MYO3B: variants seen among roughly 807,000 people sequenced by gnomAD.
MYO3B encodes the protein myosin-IIIb.
Under a neutral mutation model 174.6 loss-of-function variants are expected in MYO3B, and 156 were observed. The ratio of observed to expected loss-of-function variants is 0.89; its 90% CI spans 0.78 to 1.02. The LOEUF (loss-of-function observed/expected upper bound fraction) is 1.02, where lower values mean the gene tolerates loss of function less well. MYO3B is among the 50% of genes least tolerant of loss of function. The probability of loss-of-function intolerance (pLI) is 0.00; values close to 1 mark genes in which losing one functional copy is unlikely to be tolerated. For synonymous variants in MYO3B, 563 were observed against 569.1 expected, an observed-to-expected ratio of 0.99 and a Z score of 0.15; for missense variants, 1,632 against 1,639.4, an observed-to-expected ratio of 1.00 and a Z score of 0.08.
chr2:170,323,287 C>G (rs1382110959), intron 7 of MYO3B, among the ~76,000 whole-genome samples: 1 of 152,226 alleles, frequency 6.6e-6, no homozygotes, highest in Non-Finnish European at 1.5e-5. Flanking sequence ...AGCTCATACT[C>G]TATCGCTGAT....
chr2:170,557,059 C>T (rs948481721), intron 32 of MYO3B, among the ~76,000 whole-genome samples: 11 of 151,578 alleles, frequency 7.3e-5, no homozygotes, highest in Admixed American at 5.9e-4. Flanking sequence ...TACAGTCCTA[C>T]GTTAGATACG....
At chr2:170,589,740 A>G (rs1246853025) in intron 32 of MYO3B, among the ~76,000 whole-genome samples, 1 of 152,220 alleles carries the variant, frequency 6.6e-6, no homozygotes, top group African/African-American at 2.4e-5. Context: ...TTTATTATTG[A>G]AGAAAGAAAC....
At chr2:170,201,734 G>C (rs2092664459) in intron 3 of MYO3B, among the ~76,000 whole-genome samples, 1 of 147,312 alleles carries the variant, frequency 6.8e-6, no homozygotes, top group Non-Finnish European at 1.5e-5. Context: ...AGAATATTAG[G>C]ATTTTATCTT....
chr2:170,529,224 A>G (rs76307912), intron 30 of MYO3B, among the ~76,000 whole-genome samples: 1,947 of 152,106 alleles, frequency 0.013, 41 homozygotes, highest in African/African-American at 0.044. Flanking sequence ...CGGGAGGAGG[A>G]GGAGGAGCAG....
At position 170,214,806 on chromosome 2, in the gene MYO3B, A is replaced by T; in HGVS notation, c.504A>T (p.Gly168=). The T allele has an allele frequency of 6.2e-7, 1 of 1,613,980 alleles. No individual in the cohort carries two copies. ...KGNNILLTTE[G]GVKLVDFGVS... ...ATAACATTCTTCTGACAACAGAAGG[A>T]GGAGTTAAGCTCGTTGACTTTGGTA... Residue 168 remains glycine (G), a synonymous_variant, in exon 5 of 35, where the codon GGA becomes GGT. Coordinates refer to ENST00000408978, the MANE Select transcript of MYO3B (RefSeq NM_138995.5).
intron 18 of MYO3B, 73 bp from the exon 19 acceptor site, chr2:170,402,775 G>A: frequency 4.3e-6 from 6 of 1,405,894 alleles, no homozygotes; most frequent in East Asian, 2.3e-5. Flanking sequence ...TAAGCACTTG[G>A]GCACATATAT....
chr2:170,282,404 G>T lies in MYO3B; in HGVS notation c.749+46268G>T, dbSNP rs145082877. Among the ~76,000 whole-genome samples, 49 of 152,258 alleles carry T rather than the reference G, an allele frequency of 3.2e-4. No homozygotes were observed. In the East Asian group the frequency reaches 9.3e-3, roughly 29 times the overall value. On this transcript the variant is annotated intron_variant, in intron 7 of 34. Transcript: ENST00000408978. The stretch of plus-strand genomic sequence containing the variant: ...TTCTTAGCACCTTTGTCAAACATCA[G>T]TTGGCTGTAAATATGTAGGTTTACT...
At chr2:170,381,456 T>C (rs1316626511) in intron 9 of MYO3B, among the ~76,000 whole-genome samples, 1 of 152,152 alleles carries the variant, frequency 6.6e-6, no homozygotes, top group Non-Finnish European at 1.5e-5. Flanking sequence ...ACCCATCAAA[T>C]AGTGGTCACC....
intron 7 of MYO3B, among the ~76,000 whole-genome samples, chr2:170,292,542 G>C (rs2093602677): frequency 6.6e-6 from 1 of 151,910 alleles, no homozygotes; most frequent in Middle Eastern, 3.2e-3. Context: ...TGTCCAGCTT[G>C]TTTTGGTTTT....
intron 9 of MYO3B, among the ~76,000 whole-genome samples, chr2:170,373,193 G>C (rs1275954183): frequency 6.6e-6 from 1 of 152,204 alleles, no homozygotes; most frequent in Admixed American, 6.5e-5. Context: ...GATTGATTGA[G>C]GGAGATTAGG....
At chr2:170,391,965 G>A (rs1024512160) in intron 15 of MYO3B, among the ~76,000 whole-genome samples, 1 of 151,796 alleles carries the variant, frequency 6.6e-6, no homozygotes, top group South Asian at 2.1e-4. Context: ...GACCAGCCAG[G>A]GCAGCATAGT....
rs1387918055 is a variant in MYO3B, at chr2:170,401,357, T to A, written c.1919-124T>A. ...TTCTTGGGGTTAGGGATCTAGCCTG[T>A]TTATCTTTGAGTCAAAAGTACCCAA... On this transcript the variant is annotated intron_variant, in intron 17 of 34. Transcript: ENST00000408978. 7.2e-6 allele frequency: 6 copies of A among 833,572 alleles called. No individual in the cohort carries two copies. In the East Asian group the frequency reaches 1.6e-4, roughly 22 times the overall value. 51.6% of individuals were successfully genotyped at this position (833,572 alleles called of 1,614,324 possible).
At chr2:170,553,168 C>T (rs760298999) in intron 32 of MYO3B, among the ~76,000 whole-genome samples, 1 of 152,130 alleles carries the variant, frequency 6.6e-6, no homozygotes, top group Admixed American at 6.5e-5. Context: ...CACAGAGTCC[C>T]CACTGGAGTA....
chr2:170,600,777 A>G (rs1212937468), intron 32 of MYO3B, among the ~76,000 whole-genome samples: 6 of 152,190 alleles, frequency 3.9e-5, no homozygotes, highest in African/African-American at 1.4e-4. Flanking sequence ...CTGCCATTAC[A>G]TGGTAATGGG....
intron 7 of MYO3B, among the ~76,000 whole-genome samples, chr2:170,307,014 T>C (rs2093705078): frequency 6.6e-6 from 1 of 152,164 alleles, no homozygotes; most frequent in Admixed American, 6.5e-5. Flanking sequence ...ATAATTTTCC[T>C]TTTATTTCAA....
chr2:170,350,726 G>C (rs2094060036), intron 8 of MYO3B: 1 of 152,126 alleles, frequency 6.6e-6, no homozygotes, highest in Non-Finnish European at 1.5e-5. Context: ...TGTTAATTTT[G>C]GCCACGTACC....
At chr2:170,610,300 C>T (rs368799780) in intron 32 of MYO3B, among the ~76,000 whole-genome samples, 155 of 151,770 alleles carry the variant, frequency 1.0e-3, no homozygotes, top group Non-Finnish European at 1.8e-3. Flanking sequence ...GAGATCATGC[C>T]GCTGTACTCC....
intron 7 of MYO3B, among the ~76,000 whole-genome samples, chr2:170,306,344 A>C (rs561449142): frequency 6.6e-6 from 1 of 152,218 alleles, no homozygotes; most frequent in Non-Finnish European, 1.5e-5. Flanking sequence ...CCCACCTCTT[A>C]ATGGGAAAAG....
At chr2:170,572,761 T>A (rs749382873) in intron 32 of MYO3B, among the ~76,000 whole-genome samples, 1 of 152,216 alleles carries the variant, frequency 6.6e-6, no homozygotes, top group Non-Finnish European at 1.5e-5. Flanking sequence ...GAAATAATTT[T>A]AACAAACATA....
Sources: allele counts gnomAD v4.1 joint callset (sites outside exome capture counted in the v4.1 genomes callset), GRCh38; gene constraint gnomAD v4.1.1; transcripts MANE v1.5; gene names NCBI Gene and HGNC (gene_info 2026-07-23, HGNC 2026-07-21).